The following AK2 variants were observed in gnomAD, a reference collection of about 807,000 sequenced individuals.
The protein encoded by AK2 is adenylate kinase 2, mitochondrial.
AK2 carries 15 observed loss-of-function variants against 24.6 expected under a neutral mutation model. That is an observed-to-expected ratio of 0.61 (90% CI 0.41 to 0.94). The LOEUF is 0.94. AK2 is among the 40% of genes least tolerant of loss of function. The probability of loss-of-function intolerance (pLI) is 0.00; values close to 1 mark genes in which losing one functional copy is unlikely to be tolerated. For synonymous variants in AK2, 102 were observed against 114.0 expected, an observed-to-expected ratio of 0.90 and a Z score of 0.67; for missense variants, 257 against 304.1, an observed-to-expected ratio of 0.85 and a Z score of 1.15.
At chr1:33,020,284 G>A (rs1639455748) in intron 4 of AK2, 3 of 751,960 alleles carry the variant, frequency 4.0e-6, no homozygotes, top group African/African-American at 1.8e-5. Flanking sequence ...TTGTACAGAT[G>A]GTTATATTAT....
intron 4 of AK2, among the ~76,000 whole-genome samples, chr1:33,016,234 CAG>C (rs1287083716): frequency 1.3e-5 from 2 of 152,100 alleles, no homozygotes; most frequent in African/African-American, 2.4e-5. Flanking sequence ...ATTTTTGAGA[CAG>C]AGTCTCCCTC....
At chr1:33,024,796 CAGTACAACT>C (rs753231588) in intron 1 of AK2, among the ~76,000 whole-genome samples, 56 of 152,304 alleles carry the variant, frequency 3.7e-4, no homozygotes, top group Admixed American at 2.6e-3. Flanking sequence ...GCACTTAAAA[CAGTACAACT>C]AGCACACAGG....
At position 33,012,405 on chromosome 1, in the gene AK2, T is replaced by C. The variant is rs1638883191; in HGVS notation, c.*776A>G. ...ACTCACGTGGGTTTTCATCATGGGT[T>C]AGAAAACAAAATGGAATTCTCTGTC... On this transcript the variant is annotated 3_prime_UTR_variant, in exon 6 of 6. Coordinates refer to ENST00000672715, the MANE Select transcript of AK2 (RefSeq NM_001625.4). 6.7e-7 allele frequency: 1 copy of C among 1,501,084 alleles called. No individual in the cohort carries two copies. The highest frequency in any genetic ancestry group is 1.4e-5 in the African/African-American group (1 of 72,276). The allele number at this position is 1,501,084 out of a possible 1,614,324, so 93.0% of individuals were successfully genotyped here.
Position 33,013,377 on chromosome 1 carries a change from C to A in AK2, c.524G>T (p.Arg175Leu). ...DDITGEPLIRRSDDNEKALKI... is the reference protein window; with the variant it reads ...DDITGEPLIRLSDDNEKALKI... Reference sequence around the variant, plus strand: ...CAAGGCCTTTTCATTATCATCTGATCGACGGATCAAGGGTTCCCCGGTGAT... The same window carrying A: ...CAAGGCCTTTTCATTATCATCTGATAGACGGATCAAGGGTTCCCCGGTGAT... Residue 175 changes from arginine to leucine, a missense_variant, in exon 6 of 6, where the codon CGA (arginine) becomes CTA (leucine). Physicochemically the swap from Arg to Leu is moderately radical, Grantham distance 102 (BLOSUM62 -2). Transcript: ENST00000672715. 1 of 1,614,092 alleles carries A rather than the reference C, an allele frequency of 6.2e-7. No homozygotes were observed. Among genetic ancestry groups the A allele is most frequent in the Non-Finnish European group, 8.5e-7 (1 of 1,180,012 alleles).
Position 33,012,945 on chromosome 1 carries a change from T to C in AK2, c.*236A>G. On this transcript the variant is annotated 3_prime_UTR_variant, in exon 6 of 6. Coordinates refer to ENST00000672715, the MANE Select transcript of AK2 (RefSeq NM_001625.4). ...AAACAGCTGGTAAAGCAACCTAGCC[T>C]AAAACTTACAAAGTAGCAGAGTGAA... 6.6e-7 allele frequency: 1 copy of C among 1,525,494 alleles called. No individual in the cohort carries two copies. The highest frequency in any genetic ancestry group is 1.1e-5 in the South Asian group (1 of 87,372). The allele number at this position is 1,525,494 out of a possible 1,614,324, so 94.5% of individuals were successfully genotyped here. A position where few individuals can be genotyped will look rare whatever the true frequency, so the allele number is the denominator to read the frequency against.
intron 1 of AK2, among the ~76,000 whole-genome samples, chr1:33,033,120 A>C (rs1005909102): frequency 2.6e-5 from 4 of 151,464 alleles, no homozygotes; most frequent in Non-Finnish European, 5.9e-5. Context: ...AGATCACACC[A>C]CTGCACTCCA....
chr1:33,024,883 C>T (rs1165195865), intron 1 of AK2, among the ~76,000 whole-genome samples: 1 of 152,176 alleles, frequency 6.6e-6, no homozygotes, highest in Non-Finnish European at 1.5e-5. Flanking sequence ...GTTTCAGTTT[C>T]CCCATTATAA....
chr1:33,021,383 G>A lies in AK2; in HGVS notation c.409C>T (p.Arg137Ter), dbSNP rs1476680673. ...EFSIPDSLLIRRITGRLIHPK... is the reference protein window; with the variant it reads ...EFSIPDSLLI ...GACAAATACCTTCCTGTGATTCTTC[G>A]GATCAGCAGAGAGTCTGGGATGCTG... Residue 137 changes from arginine to a stop codon, truncating the protein, a stop_gained, in exon 4 of 6, where the codon CGA (arginine) becomes TGA (stop). Transcript: ENST00000672715. LOFTEE classifies it high-confidence loss of function. 14 of 1,613,778 alleles carry A rather than the reference G, an allele frequency of 8.7e-6. No homozygotes were observed. The highest frequency in any genetic ancestry group is 1.2e-5 in the Non-Finnish European group (14 of 1,179,788).
chr1:33,031,601 C>T, intron 1 of AK2: 1 of 456,036 alleles, frequency 2.2e-6, no homozygotes, highest in Non-Finnish European at 4.4e-6. Flanking sequence ...CAGATGCAAG[C>T]TCTGTAAATT....
At chr1:33,036,601 C>G in intron 1 of AK2, 135 bp downstream of exon 1, 1 of 826,824 alleles carries the variant, frequency 1.2e-6, no homozygotes, top group Non-Finnish European at 2.0e-6. Flanking sequence ...CCACCAGAAC[C>G]GAGACCCCGG....
intron 4 of AK2, among the ~76,000 whole-genome samples, chr1:33,017,957 G>A (rs971906410): frequency 2.6e-5 from 4 of 152,014 alleles, no homozygotes; most frequent in Non-Finnish European, 5.9e-5. Context: ...TAGAGACGAG[G>A]TCTTGCTATG....
chr1:33,014,652 A>G (rs1639067327), intron 4 of AK2, 58 bp from the exon 5 acceptor site: 2 of 1,422,116 alleles, frequency 1.4e-6, no homozygotes, highest in Admixed American at 1.7e-5. Context: ...CCTGCACTCC[A>G]CTCTAGGGGG....
At chr1:33,020,204 C>CACACACAA (rs1557620288) in intron 4 of AK2, 1 of 1,251,776 alleles carries the variant, frequency 8.0e-7, no homozygotes, top group Non-Finnish European at 1.1e-6. Flanking sequence ...CACACACACA[C>CACACACAA]ACACACACAC....
chr1:33,008,600 A>T lies in AK2; in HGVS notation c.*4581T>A, dbSNP rs2124251999. Reference sequence around the variant, plus strand: ...AGCAACAAGATCAAGGGGACGGATAAGTGTTAGAGACTGTGTTTCAGTCCT... The same window carrying T: ...AGCAACAAGATCAAGGGGACGGATATGTGTTAGAGACTGTGTTTCAGTCCT... On this transcript the variant is annotated 3_prime_UTR_variant, in exon 6 of 6. Coordinates refer to ENST00000672715, the MANE Select transcript of AK2 (RefSeq NM_001625.4). 2.2e-6 allele frequency: 1 copy of T among 454,132 alleles called. No homozygotes were observed. The highest frequency in any genetic ancestry group is 4.4e-6 in the Non-Finnish European group (1 of 226,800). 28.1% of individuals were successfully genotyped at this position (454,132 alleles called of 1,614,324 possible).
chr1:33,028,678 T>G (rs1444967100), intron 1 of AK2, among the ~76,000 whole-genome samples: 1 of 152,162 alleles, frequency 6.6e-6, no homozygotes, highest in Non-Finnish European at 1.5e-5. Flanking sequence ...AAACTGTTGC[T>G]GAGCCCAAGA....
rs1638637125 is a variant in AK2, at chr1:33,008,947, A to G, written c.*4234T>C. The G allele has an allele frequency of 4.4e-6, 2 of 453,954 alleles. No homozygotes were observed. Among genetic ancestry groups the G allele is most frequent in the South Asian group, 3.1e-5 (2 of 64,476 alleles). The allele number at this position is 453,954 out of a possible 1,614,324, so 28.1% of individuals were successfully genotyped here. A position where few individuals can be genotyped will look rare whatever the true frequency, so the allele number is the denominator to read the frequency against. ...TGCTTTGCAGGTTGGTTTGACAAAC[A>G]TTTCCCCACAATTAGATGCATGATG... is the stretch of plus-strand genomic sequence containing the variant. On this transcript the variant is annotated 3_prime_UTR_variant, in exon 6 of 6. Coordinates refer to ENST00000672715, the MANE Select transcript of AK2 (RefSeq NM_001625.4).
intron 4 of AK2, 112 bp downstream of exon 4, chr1:33,021,255 C>A (rs1639532096): frequency 1.1e-6 from 1 of 949,452 alleles, no homozygotes; most frequent in South Asian, 1.3e-5. Context: ...CAAATAAAAT[C>A]AATCCATGTT....
rs771715283 is a variant in AK2, at chr1:33,011,934, C to G, written c.*1247G>C. The G allele has an allele frequency of 6.5e-7, 1 of 1,533,800 alleles. No homozygotes were observed. Among genetic ancestry groups the G allele is most frequent in the South Asian group, 1.2e-5 (1 of 83,274 alleles). On this transcript the variant is annotated 3_prime_UTR_variant, in exon 6 of 6. Coordinates refer to ENST00000672715, the MANE Select transcript of AK2 (RefSeq NM_001625.4). Reference sequence around the variant, plus strand: ...GGGTTTGGGCTTAAAAAGAACATATCTGATTTCAGTTTTATGTCCTGGAGA... The same window carrying G: ...GGGTTTGGGCTTAAAAAGAACATATGTGATTTCAGTTTTATGTCCTGGAGA...
chr1:33,014,712 C>T, intron 4 of AK2, 118 bp from the exon 5 acceptor site: 1 of 831,648 alleles, frequency 1.2e-6, no homozygotes, highest in South Asian at 1.3e-5. Flanking sequence ...GGACCCAGCA[C>T]CCAGCAGAAA....
Sources: gnomAD v4.1 joint callset for allele counts (sites outside exome capture counted in the v4.1 genomes callset) on GRCh38, gnomAD v4.1.1 for gene constraint, MANE v1.5 for transcripts, NCBI Gene and HGNC (gene_info 2026-07-23, HGNC 2026-07-21) for gene names.